Variants in MICU2 observed in about 807,000 individuals in gnomAD.
MICU2 encodes calcium uptake protein 2, mitochondrial.
A neutral mutation model predicts 60.4 loss-of-function variants in MICU2; 64 were observed. The ratio of observed to expected loss-of-function variants is 1.06; its 90% confidence interval spans 0.87 to 1.31. The LOEUF (loss-of-function observed/expected upper bound fraction) is 1.31, where lower values mean the gene tolerates loss of function less well. Among genes scored for constraint, MICU2 ranks in the 50% most tolerant of loss-of-function variants. MICU2 has a pLI of 0.00. For missense variants in MICU2, 569 were observed against 531.0 expected, an observed-to-expected ratio of 1.07 and a Z score of -0.70; for synonymous variants, 201 against 175.0, an observed-to-expected ratio of 1.15 and a Z score of -1.17.
chr13:21,497,337 C>T (rs1886026473), intron 9 of MICU2, among the ~76,000 whole-genome samples: 1 of 152,054 alleles, frequency 6.6e-6, no homozygotes, highest in Non-Finnish European at 1.5e-5. Flanking sequence ...TGCACTCCAG[C>T]CTGGGTGATG....
chr13:21,540,570 C>A (rs1198014198), intron 2 of MICU2, among the ~76,000 whole-genome samples: 1 of 152,092 alleles, frequency 6.6e-6, no homozygotes, highest in Non-Finnish European at 1.5e-5. Flanking sequence ...TCTACAAGGG[C>A]AAATTCTATT....
At chr13:21,557,816 A>G (rs1887744451) in intron 2 of MICU2, among the ~76,000 whole-genome samples, 1 of 152,224 alleles carries the variant, frequency 6.6e-6, no homozygotes, top group Admixed American at 6.5e-5. Flanking sequence ...ATTTAGCTAA[A>G]TGCCTTCTGA....
chr13:21,593,580 A>AC (rs1888631262), intron 1 of MICU2, among the ~76,000 whole-genome samples: 1 of 148,970 alleles, frequency 6.7e-6, no homozygotes, highest in African/African-American at 2.5e-5. Flanking sequence ...GCAAAAAAAA[A>AC]AAAAAAAAAA....
chr13:21,563,719 GCTTTT>G (rs1159074957), intron 2 of MICU2, among the ~76,000 whole-genome samples: 1 of 150,948 alleles, frequency 6.6e-6, no homozygotes, highest in African/African-American at 2.4e-5. Context: ...GTTCCTCTTT[GCTTTT>G]CAAGTTGGGA....
intron 1 of MICU2, among the ~76,000 whole-genome samples, chr13:21,581,223 T>C (rs568543248): frequency 6.6e-6 from 1 of 152,308 alleles, no homozygotes; most frequent in South Asian, 2.1e-4. Flanking sequence ...GTTCAAGCAA[T>C]TCTCGTGCCT....
intron 9 of MICU2, among the ~76,000 whole-genome samples, chr13:21,501,920 G>A (rs1317973761): frequency 1.3e-5 from 2 of 152,164 alleles, no homozygotes; most frequent in Non-Finnish European, 1.5e-5. Flanking sequence ...AGCCCACAAT[G>A]GAACTGCGGC....
chr13:21,539,904 T>C lies in MICU2; in HGVS notation c.359-216A>G, dbSNP rs192921726. ...ACACTACAGTTTTTCACAAGATCCA[T>C]TTTCAATTTCACTCACCCTATTTCA... On this transcript the variant is annotated intron_variant, in intron 2 of 11. Transcript: ENST00000382374. 2.6e-5 allele frequency among the ~76,000 whole-genome samples: 4 copies of C among 152,338 alleles called. No individual in the cohort carries two copies. The East Asian group carries it at 5.8e-4, about 22-fold the overall frequency.
In MICU2 at chr13:21,495,361, G is replaced by T. The variant is rs376011876; in HGVS notation, c.1043-43C>A. 47 of 1,404,162 alleles carry T rather than the reference G, an allele frequency of 3.3e-5. 1 individual carries two copies. In the African/African-American group the frequency reaches 4.3e-4, roughly 13 times the overall value. The allele number at this position is 1,404,162 out of a possible 1,614,324, so 87.0% of individuals were successfully genotyped here. A position where few individuals can be genotyped will look rare whatever the true frequency, so the allele number is the denominator to read the frequency against. On this transcript the variant is annotated intron_variant, in intron 10 of 11. Coordinates refer to ENST00000382374, the MANE Select transcript of MICU2 (RefSeq NM_152726.3). ...AACAACTTATCAACTATGTGAAATA[G>T]TCTAAGTGAAATTAATCTAAATTTT...
chr13:21,513,181 C>T (rs1170774890), intron 7 of MICU2, among the ~76,000 whole-genome samples: 1 of 151,964 alleles, frequency 6.6e-6, no homozygotes, highest in Admixed American at 6.6e-5. Context: ...ACAATGCCAT[C>T]TACGAAAAGA....
chr13:21,600,189 TATGGG>T (rs1478869976), intron 1 of MICU2, among the ~76,000 whole-genome samples: 3 of 152,226 alleles, frequency 2.0e-5, no homozygotes, highest in African/African-American at 7.2e-5. Flanking sequence ...TCACATGGCT[TATGGG>T]ACACTTAATG....
intron 1 of MICU2, among the ~76,000 whole-genome samples, chr13:21,582,251 TA>T (rs5802123): frequency 0.95 from 143,863 of 152,204 alleles, 68,155 homozygotes; most frequent in East Asian, 1. Context: ...GCTTTAGCAC[TA>T]AATAGCTTTA....
intron 2 of MICU2, among the ~76,000 whole-genome samples, chr13:21,563,650 G>A (rs1887905136): frequency 6.6e-6 from 1 of 151,624 alleles, no homozygotes; most frequent in Non-Finnish European, 1.5e-5. Context: ...TTCCTTATAT[G>A]TTACACCTTT....
chr13:21,602,844 A>G (rs1566175151), intron 1 of MICU2: 3 of 152,172 alleles, frequency 2.0e-5, no homozygotes, highest in African/African-American at 7.2e-5. Flanking sequence ...ATAAACTACT[A>G]CTTTCAATTT....
At chr13:21,562,659 A>G (rs1390134163) in intron 2 of MICU2, among the ~76,000 whole-genome samples, 1 of 152,222 alleles carries the variant, frequency 6.6e-6, no homozygotes, top group Non-Finnish European at 1.5e-5. Context: ...TCTTATAACA[A>G]AAGTATTCCC....
chr13:21,501,435 T>C (rs903203410), intron 9 of MICU2, among the ~76,000 whole-genome samples: 36 of 152,084 alleles, frequency 2.4e-4, no homozygotes, highest in African/African-American at 8.2e-4. Context: ...GCTAATTTTT[T>C]GTATTTTTAG....
chr13:21,549,133 G>A (rs972903907), intron 2 of MICU2, among the ~76,000 whole-genome samples: 4 of 151,750 alleles, frequency 2.6e-5, no homozygotes, highest in East Asian at 3.9e-4. Context: ...GTTTCACCGT[G>A]TTAGCCAGGA....
intron 6 of MICU2, among the ~76,000 whole-genome samples, chr13:21,520,552 C>CAT (rs1342884270): frequency 3.3e-5 from 5 of 152,022 alleles, no homozygotes; most frequent in Non-Finnish European, 5.9e-5. Context: ...AGCACTATGC[C>CAT]ATATATATAT....
Position 21,539,255 on chromosome 13 carries a change from G to A in MICU2, c.466+47C>T. The A allele has an allele frequency of 5.3e-6, 8 of 1,508,284 alleles. No homozygotes were observed. The Admixed American group carries it at 1.2e-4, about 23-fold the overall frequency. The allele number at this position is 1,508,284 out of a possible 1,614,324, so 93.4% of individuals were successfully genotyped here. ...ACCTTAATTCCTTAATAATACTTCA[G>A]TTAAATAAAACACATAACTAGAAAT... On this transcript the variant is annotated intron_variant, in intron 4 of 11. Transcript: ENST00000382374.
At chr13:21,538,284 A>G (rs1887183562) in intron 4 of MICU2, among the ~76,000 whole-genome samples, 1 of 152,102 alleles carries the variant, frequency 6.6e-6, no homozygotes, top group Non-Finnish European at 1.5e-5. Context: ...TATTAAAAAA[A>G]AAAGGTCTGG....
Sources: allele counts gnomAD v4.1 joint callset (sites outside exome capture counted in the v4.1 genomes callset), GRCh38; gene constraint gnomAD v4.1.1; transcripts MANE v1.5; gene names NCBI Gene and HGNC (gene_info 2026-07-23, HGNC 2026-07-21).